The following RIMBP2 variants were observed in gnomAD, a reference collection of about 807,000 sequenced individuals.
RIMBP2 encodes RIMS binding protein 2, also known as RIMS-binding protein 2.
Under a neutral mutation model 118.6 loss-of-function variants are expected in RIMBP2, and 48 were observed. That is an observed-to-expected ratio of 0.40 (90% CI 0.32 to 0.51). The LOEUF (loss-of-function observed/expected upper bound fraction) is 0.51, where lower values mean the gene tolerates loss of function less well. Ranked by LOEUF, RIMBP2 falls within the 20% of genes least tolerant of loss-of-function variation. The pLI is 0.41. For synonymous variants in RIMBP2, 762 were observed against 742.9 expected, an observed-to-expected ratio of 1.03 and a Z score of -0.42; for missense variants, 1,551 against 1,768.3, an observed-to-expected ratio of 0.88 and a Z score of 2.20.
chr12:130,605,411 G>A (rs953560949), intron 2 of RIMBP2, among the ~76,000 whole-genome samples: 4 of 152,290 alleles, frequency 2.6e-5, no homozygotes, highest in East Asian at 1.9e-4. Context: ...TACATGAGGC[G>A]TGGCTGGATC....
At chr12:130,567,991 A>G (rs1328186340) in intron 2 of RIMBP2, among the ~76,000 whole-genome samples, 8 of 152,028 alleles carry the variant, frequency 5.3e-5, no homozygotes, top group Non-Finnish European at 1.2e-4. Flanking sequence ...GCCATGCACC[A>G]ATTAAAAAAA....
At chr12:130,441,401 AAATAATAAT>A (rs58605863) in intron 11 of RIMBP2, among the ~76,000 whole-genome samples, 11,404 of 122,678 alleles carry the variant, frequency 0.093, 597 homozygotes, top group Middle Eastern at 0.15. Context: ...ACTCCATCTC[AAATAATAAT>A]AATAATAATA....
At chr12:130,438,334 A>ATGCCCCCCCCCCC in intron 12 of RIMBP2, 31 bp downstream of exon 12, 15 of 1,344,504 alleles carry the variant, frequency 1.1e-5, no homozygotes, top group Non-Finnish European at 1.6e-5. Flanking sequence ...GGGCCTAACA[A>ATGCCCCCCCCCCC]ACCCTCCCCA....
At chr12:130,704,297 C>G (rs1486302114) in intron 1 of RIMBP2, among the ~76,000 whole-genome samples, 1 of 152,186 alleles carries the variant, frequency 6.6e-6, no homozygotes, top group Non-Finnish European at 1.5e-5. Context: ...AACAAAAAGC[C>G]AGGGGTGGTG....
chr12:130,646,619 A>C (rs989053440), intron 1 of RIMBP2, among the ~76,000 whole-genome samples: 4 of 152,216 alleles, frequency 2.6e-5, no homozygotes, highest in Admixed American at 6.5e-5. Flanking sequence ...ATGACAACCA[A>C]TCTTAGAGGT....
At chr12:130,457,511 T>G (rs933348847) in intron 6 of RIMBP2, among the ~76,000 whole-genome samples, 1 of 152,210 alleles carries the variant, frequency 6.6e-6, no homozygotes, top group Non-Finnish European at 1.5e-5. Flanking sequence ...CCCCTGGGAC[T>G]TGAGCTCTAC....
chr12:130,569,806 C>G (rs2057494913), intron 2 of RIMBP2, among the ~76,000 whole-genome samples: 1 of 152,186 alleles, frequency 6.6e-6, no homozygotes, highest in Non-Finnish European at 1.5e-5. Context: ...GAACCATGAG[C>G]CCATTAAACC....
rs2078891360 is a variant in RIMBP2 at position 130,450,301 on chromosome 12, G to A, written c.505-25C>T. On this transcript the variant is annotated intron_variant, in intron 8 of 22. Coordinates refer to ENST00000690449, the MANE Select transcript of RIMBP2 (RefSeq NM_001393629.1). This position sits in a 1 kb window ranked among gnomAD's most constrained non-coding sequence, Gnocchi z 4.8. ...TCTGTGAAAAAGGCAATGGGTGTGTGGGTTATTGAAGCTGGAGGTGTCCCA... is the reference window on the plus strand; with the variant it reads ...TCTGTGAAAAAGGCAATGGGTGTGTAGGTTATTGAAGCTGGAGGTGTCCCA... 6.4e-7 allele frequency: 1 copy of A among 1,571,104 alleles called. No homozygotes were observed.
In RIMBP2 at chr12:130,629,783, A is replaced by G. The variant is rs560118480; in HGVS notation, c.-351-1327T>C. On this transcript the variant is annotated intron_variant, in intron 1 of 22. Coordinates refer to ENST00000690449, the MANE Select transcript of RIMBP2 (RefSeq NM_001393629.1). ...GGAGATTCTACAACAAAATGTGTTC[A>G]GCTCCCTCACAGCTACCCTGGAGTG... Among the ~76,000 whole-genome samples, 199 of 152,304 alleles carry G rather than the reference A, an allele frequency of 1.3e-3. 1 individual carries two copies. The highest frequency in any genetic ancestry group is 2.3e-3 in the Non-Finnish European group (159 of 68,030).
chr12:130,519,393 C>T (rs900789926), intron 2 of RIMBP2, among the ~76,000 whole-genome samples: 1 of 152,240 alleles, frequency 6.6e-6, no homozygotes, highest in Admixed American at 6.5e-5. Context: ...GGAACCCAAA[C>T]ATAAAAGACG....
intron 21 of RIMBP2, among the ~76,000 whole-genome samples, chr12:130,400,995 G>C (rs1027172698): frequency 6.6e-6 from 1 of 152,246 alleles, no homozygotes; most frequent in Non-Finnish European, 1.5e-5. Flanking sequence ...TGCAGCTGCT[G>C]TTGAAAACAA....
chr12:130,456,721 A>G lies in RIMBP2; in HGVS notation c.154-21T>C, dbSNP rs757271482. 2.0e-5 allele frequency: 31 copies of G among 1,581,248 alleles called. No homozygotes were observed. The Admixed American group carries it at 4.9e-4, about 25-fold the overall frequency. ...TTGGACTGCACGGCAGAAGCAGGAC[A>G]GGGGGTCAGCGGTGGCATTTGGTGG... On this transcript the variant is annotated intron_variant, in intron 6 of 22. Transcript: ENST00000690449.
intron 2 of RIMBP2, among the ~76,000 whole-genome samples, chr12:130,526,405 T>A (rs2052792555): frequency 6.6e-6 from 1 of 152,168 alleles, no homozygotes; most frequent in African/African-American, 2.4e-5. Context: ...GGCTCAGGCA[T>A]CAAAGATCTT....
chr12:130,592,646 G>A lies in RIMBP2; in HGVS notation c.-217+35676C>T, dbSNP rs1285617310. The stretch of plus-strand genomic sequence containing the variant: ...AGAGGTTGCAGTGAGCTGAGATCGC[G>A]CCACTGCACTCCAGCCTGGGCAATA... On this transcript the variant is annotated intron_variant, in intron 2 of 22. Transcript: ENST00000690449. 6.0e-5 allele frequency among the ~76,000 whole-genome samples: 9 copies of A among 148,840 alleles called. No individual in the cohort carries two copies. In the Admixed American group the frequency reaches 6.1e-4, roughly 10 times the overall value.
In RIMBP2 at chr12:130,573,362, T is replaced by G. The variant is rs188494992; in HGVS notation, c.-217+54960A>C. Reference sequence around the variant, plus strand: ...TTTTAAATGTTCTTTACTGTTAGTATGATACTTTTAAAGACAGATAAGTGT... The same window carrying G: ...TTTTAAATGTTCTTTACTGTTAGTAGGATACTTTTAAAGACAGATAAGTGT... On this transcript the variant is annotated intron_variant, in intron 2 of 22. Coordinates refer to ENST00000690449, the MANE Select transcript of RIMBP2 (RefSeq NM_001393629.1). 4.3e-3 allele frequency among the ~76,000 whole-genome samples: 650 copies of G among 151,726 alleles called. 2 individuals are homozygous for G. The highest frequency in any genetic ancestry group is 0.015 in the African/African-American group (630 of 41,408).
chr12:130,662,379 G>A (rs905306529), intron 1 of RIMBP2, among the ~76,000 whole-genome samples: 4 of 152,234 alleles, frequency 2.6e-5, no homozygotes, highest in South Asian at 4.1e-4. Flanking sequence ...ATCTGGAGGC[G>A]GAGCGCGGTG....
chr12:130,473,821 C>T (rs562491407), intron 5 of RIMBP2, among the ~76,000 whole-genome samples: 6 of 152,212 alleles, frequency 3.9e-5, no homozygotes, highest in East Asian at 3.9e-4. Context: ...CAACTGAGGC[C>T]GACAATCTGA....
chr12:130,567,986 G>A (rs755593760), intron 2 of RIMBP2, among the ~76,000 whole-genome samples: 2 of 151,856 alleles, frequency 1.3e-5, no homozygotes, highest in Non-Finnish European at 2.9e-5. Context: ...CACCTGCCAT[G>A]CACCAATTAA....
intron 2 of RIMBP2, among the ~76,000 whole-genome samples, chr12:130,533,679 T>C (rs763940465): frequency 1.7e-4 from 26 of 152,194 alleles, no homozygotes; most frequent in South Asian, 4.1e-4. Context: ...CAGTGGATAA[T>C]TGGATAAAGA....
Sources: gnomAD v4.1 joint callset for allele counts (sites outside exome capture counted in the v4.1 genomes callset) on GRCh38, gnomAD v4.1.1 for gene constraint, Gnocchi (gnomAD v3.1) non-coding constraint, MANE v1.5 for transcripts, NCBI Gene and HGNC (gene_info 2026-07-23, HGNC 2026-07-21) for gene names.